The following CNPY1 variants were observed in gnomAD, a reference collection of about 807,000 sequenced individuals.
CNPY1 encodes the protein protein canopy homolog 1.
Under a neutral mutation model 14.4 loss-of-function variants are expected in CNPY1, and 14 were observed. The ratio of observed to expected loss-of-function variants is 0.97; its 90% CI spans 0.64 to 1.52. The LOEUF (loss-of-function observed/expected upper bound fraction) is 1.52, where lower values mean the gene tolerates loss of function less well. Ranked by LOEUF, CNPY1 falls within the 40% of genes most tolerant of loss-of-function variation. CNPY1 has a pLI of 0.00. For synonymous variants in CNPY1, 43 were observed against 46.5 expected (o/e 0.92, Z 0.31); for missense variants, 129 against 131.5 (o/e 0.98, Z 0.09).
chr7:155,520,306 C>T lies in CNPY1; in HGVS notation c.100-11209G>A, dbSNP rs561806602. ...GAGGCGAGAGCCCATGGTAGAAGGA[C>T]AGATAGTGTGAGCTTCGTTGTGCCG... On this transcript the variant is annotated intron_variant, in intron 2 of 4. Coordinates refer to ENST00000636446, the MANE Select transcript of CNPY1 (RefSeq NM_001393663.1). Among the ~76,000 whole-genome samples, 3 of 152,248 alleles carry T rather than the reference C, an allele frequency of 2.0e-5. No homozygotes were observed. The South Asian group carries it at 6.2e-4, about 32-fold the overall frequency.
At position 155,509,095 on chromosome 7, in the gene CNPY1, G is replaced by GA. The variant is rs760669980; in HGVS notation, c.101dup (p.Leu36ProfsTer17). 348 of 1,538,658 alleles carry GA rather than the reference G, an allele frequency of 2.3e-4. No homozygotes were observed. The highest frequency in any genetic ancestry group is 2.5e-4 in the Non-Finnish European group (282 of 1,139,716). On this transcript the variant is annotated frameshift_variant and splice_region_variant, in exon 3 of 5. Transcript: ENST00000636446. LOFTEE classifies it high-confidence loss of function. ...GGAACGCCTCCGACTGAGCTAGGGGGATCTAAGAAGAAAGACAGGGCGAGG... is the reference window on the plus strand; with the variant it reads ...GGAACGCCTCCGACTGAGCTAGGGGGAATCTAAGAAGAAAGACAGGGCGAGG...
intron 2 of CNPY1, among the ~76,000 whole-genome samples, chr7:155,509,497 G>A (rs1334979826): frequency 6.6e-6 from 1 of 152,058 alleles, no homozygotes; most frequent in African/African-American, 2.4e-5. Flanking sequence ...GGGGGAGAGA[G>A]ACAGAGAGAG....
chr7:155,511,459 G>A (rs1262662189), intron 2 of CNPY1, among the ~76,000 whole-genome samples: 1 of 152,158 alleles, frequency 6.6e-6, no homozygotes, highest in Non-Finnish European at 1.5e-5. Flanking sequence ...TATTTCCTAG[G>A]TTGCACCTTT....
At chr7:155,508,868 A>T (rs1796419949) in intron 3 of CNPY1, 26 bp downstream of exon 3, 1 of 1,610,418 alleles carries the variant, frequency 6.2e-7, no homozygotes, top group African/African-American at 1.3e-5. Context: ...GGATCATACG[A>T]TTCATCTGCA....
intron 3 of CNPY1, among the ~76,000 whole-genome samples, chr7:155,507,660 G>A (rs188094254): frequency 2.0e-5 from 3 of 151,946 alleles, no homozygotes; most frequent in East Asian, 1.9e-4. Flanking sequence ...CAGTTACTTC[G>A]GGAGGTGTCT....
chr7:155,526,372 C>T (rs937823191), intron 2 of CNPY1, among the ~76,000 whole-genome samples: 8 of 152,154 alleles, frequency 5.3e-5, no homozygotes, highest in African/African-American at 9.7e-5. Context: ...GTGTAACAAA[C>T]GGCTGGCAGG....
intron 2 of CNPY1, among the ~76,000 whole-genome samples, chr7:155,509,426 G>A (rs1042421604): frequency 6.6e-6 from 1 of 152,122 alleles, no homozygotes; most frequent in Non-Finnish European, 1.5e-5. Flanking sequence ...AAAGCATGAC[G>A]CATAGAAAAT....
At chr7:155,517,590 A>C (rs1376011415) in intron 2 of CNPY1, among the ~76,000 whole-genome samples, 1 of 152,196 alleles carries the variant, frequency 6.6e-6, no homozygotes, top group Admixed American at 6.5e-5. Context: ...GGTCCACCCC[A>C]CACGCCAAGC....
rs1563091208 is a variant in CNPY1 at position 155,521,055 on chromosome 7, G to GAAGGAAGGAAGGAAGGAAGGAAGC, written c.100-11982_100-11959dup. Among the ~76,000 whole-genome samples the GAAGGAAGGAAGGAAGGAAGGAAGC allele has an allele frequency of 1.2e-3, 116 of 99,330 alleles. 1 individual carries two copies. Among genetic ancestry groups the GAAGGAAGGAAGGAAGGAAGGAAGC allele is most frequent in the Middle Eastern group, 4.4e-3 (1 of 228 alleles). The allele number at this position is 99,330 out of a possible 152,430, so 65.2% of individuals were successfully genotyped here. On this transcript the variant is annotated intron_variant, in intron 2 of 4. Coordinates refer to ENST00000636446, the MANE Select transcript of CNPY1 (RefSeq NM_001393663.1). ...GGCATGAGAATGAAAAAAAAAGAAA[G>GAAGGAAGGAAGGAAGGAAGGAAGC]AAGGAAGGAAGGAAGGAAGGAAGCA...
At position 155,545,834 on chromosome 7, in the gene CNPY1, T is replaced by G. The variant is rs1797150644; in HGVS notation, c.96A>C (p.Arg32Ser). Residue 32 changes from arginine (R) to serine (S), a missense_variant, in exon 2 of 5, where the codon AGA becomes AGC. Transcript: ENST00000636446. The part of the protein sequence containing the change: ...RINPDGTQER[R>S]KIPLAQSEAF... ...CACATAATATCTTTTCCACTACCTT[T>G]CTCCTCTCCTGAGTCCCATCGGGAT... 1 of 398,518 alleles carries G rather than the reference T, an allele frequency of 2.5e-6. No individual in the cohort carries two copies. Among genetic ancestry groups the G allele is most frequent in the African/African-American group, 2.1e-5 (1 of 48,634 alleles). 24.7% of individuals were successfully genotyped at this position (398,518 alleles called of 1,614,324 possible).
In CNPY1 at chr7:155,543,184, G is replaced by A. The variant is rs145251610; in HGVS notation, c.99+2647C>T. Among the ~76,000 whole-genome samples, 915 of 152,266 alleles carry A rather than the reference G, an allele frequency of 6.0e-3. 3 individuals carry two copies. Among genetic ancestry groups the A allele is most frequent in the Non-Finnish European group, 0.01 (692 of 68,020 alleles). On this transcript the variant is annotated intron_variant, in intron 2 of 4. Transcript: ENST00000636446. ...AAAAAAGCAGGCAAGGGGTCCTGCC[G>A]CTCTGTGGCCAGCCGGGCCGGGCTG... is the stretch of plus-strand genomic sequence containing the variant.
At position 155,502,216 on chromosome 7, in the gene CNPY1, G is replaced by A. The variant is rs1796137994; in HGVS notation, c.*852C>T. The A allele has an allele frequency of 6.6e-6, 1 of 152,054 alleles. No individual in the cohort carries two copies. Among genetic ancestry groups the A allele is most frequent in the Admixed American group, 6.6e-5 (1 of 15,266 alleles). The allele number at this position is 152,054 out of a possible 1,614,324, so 9.4% of individuals were successfully genotyped here. ...GTGGCCAAAAGATAATTTCCCACCA[G>A]GTCCCAACTCTTTTTCCATTCCTGT... On this transcript the variant is annotated 3_prime_UTR_variant, in exon 5 of 5. Transcript: ENST00000636446.
intron 2 of CNPY1, among the ~76,000 whole-genome samples, chr7:155,527,707 C>T (rs1218587539): frequency 6.6e-6 from 1 of 151,998 alleles, no homozygotes; most frequent in African/African-American, 2.4e-5. Flanking sequence ...CCGCCTTGGC[C>T]TCCCAAAGTG....
intron 2 of CNPY1, among the ~76,000 whole-genome samples, chr7:155,532,599 C>T (rs1226453741): frequency 1.3e-5 from 2 of 150,978 alleles, no homozygotes; most frequent in Non-Finnish European, 2.9e-5. Flanking sequence ...CCAGCCTGGG[C>T]GAGAGTGCGA....
chr7:155,520,005 A>ATTTCTTTTTTTTTTTTTT (rs1347733819), intron 2 of CNPY1, among the ~76,000 whole-genome samples: 3 of 152,170 alleles, frequency 2.0e-5, no homozygotes, highest in Non-Finnish European at 2.9e-5. Flanking sequence ...TGCTATGAGG[A>ATTTCTTTTTTTTTTTTTT]TTTCTGTATC....
intron 1 of CNPY1, 45 bp from the exon 2 acceptor site, chr7:155,545,988 C>T (rs188569984): frequency 5.6e-4 from 223 of 398,578 alleles, no homozygotes; most frequent in Non-Finnish European, 8.8e-4. Flanking sequence ...GGAGGCGAGC[C>T]AGAGCCGGGC....
At chr7:155,527,214 G>C (rs930818641) in intron 2 of CNPY1, among the ~76,000 whole-genome samples, 1 of 150,986 alleles carries the variant, frequency 6.6e-6, no homozygotes, top group East Asian at 1.9e-4. Flanking sequence ...ACCATGCCCA[G>C]CTAATTTTTG....
intron 1 of CNPY1, 29 bp from the exon 2 acceptor site, chr7:155,545,972 AGAG>A (rs1585341137): frequency 5.0e-6 from 2 of 398,608 alleles, no homozygotes; most frequent in Non-Finnish European, 8.8e-6. Context: ...AGCTGTGATC[AGAG>A]GAGGAGGCGA....
At chr7:155,538,667 G>A (rs1265814148) in intron 2 of CNPY1, among the ~76,000 whole-genome samples, 1 of 152,192 alleles carries the variant, frequency 6.6e-6, no homozygotes. Flanking sequence ...GATATGAGGG[G>A]GAGTTCTGGG....
Sources: gnomAD v4.1 joint callset for allele counts (sites outside exome capture counted in the v4.1 genomes callset) on GRCh38, gnomAD v4.1.1 for gene constraint, MANE v1.5 for transcripts, NCBI Gene and HGNC (gene_info 2026-07-23, HGNC 2026-07-21) for gene names.